RAB27A: variants seen among roughly 807,000 people sequenced by gnomAD.
RAB27A encodes the protein RAB27A, member RAS oncogene family, also known as ras-related protein Rab-27A.
In RAB27A, 17 loss-of-function variants were observed where a neutral mutation model predicts 20.8. The observed-to-expected ratio is 0.82, with a 90% CI of 0.56 to 1.23. The LOEUF is 1.23. RAB27A is among the 50% of genes most tolerant of loss of function. RAB27A has a pLI of 0.00. For synonymous variants in RAB27A, 85 were observed against 92.8 expected (o/e 0.92, Z 0.48); for missense variants, 277 against 266.7 (o/e 1.04, Z -0.27).
intron 6 of RAB27A, among the ~76,000 whole-genome samples, chr15:55,222,018 G>A (rs1348542046): frequency 1.3e-5 from 2 of 152,136 alleles, no homozygotes; most frequent in Non-Finnish European, 2.9e-5. Flanking sequence ...CAGACACAAA[G>A]ACAACACCTT....
chr15:55,281,603 T>C (rs572252303), intron 1 of RAB27A, among the ~76,000 whole-genome samples: 6 of 152,032 alleles, frequency 3.9e-5, no homozygotes, highest in African/African-American at 1.4e-4. Context: ...TCCTAGTTAC[T>C]TAGGAGGCTG....
At chr15:55,254,763 A>G (rs1198975389) in intron 2 of RAB27A, among the ~76,000 whole-genome samples, 1 of 152,268 alleles carries the variant, frequency 6.6e-6, no homozygotes, top group African/African-American at 2.4e-5. Context: ...AAGGGGTTTT[A>G]CATTTCTTTC....
intron 6 of RAB27A, among the ~76,000 whole-genome samples, chr15:55,209,189 G>A (rs1334081471): frequency 6.6e-6 from 1 of 152,078 alleles, no homozygotes; most frequent in African/African-American, 2.4e-5. Flanking sequence ...ACAATAGATT[G>A]TTGTAAACTA....
At chr15:55,207,706 G>T (rs2140898893) in intron 6 of RAB27A, among the ~76,000 whole-genome samples, 1 of 152,192 alleles carries the variant, frequency 6.6e-6, no homozygotes, top group Non-Finnish European at 1.5e-5. Flanking sequence ...TTTTAGAGAT[G>T]GAGTCTCACT....
intron 2 of RAB27A, among the ~76,000 whole-genome samples, chr15:55,243,677 T>G (rs1896580253): frequency 6.6e-6 from 1 of 152,054 alleles, no homozygotes; most frequent in East Asian, 1.9e-4. Context: ...GTAAGGACAC[T>G]TCTGGCCCTC....
intron 1 of RAB27A, among the ~76,000 whole-genome samples, chr15:55,276,683 G>T (rs560634709): frequency 6.6e-6 from 1 of 152,200 alleles, no homozygotes; most frequent in African/African-American, 2.4e-5. Context: ...CATAGTTAAA[G>T]AGAACAAGTT....
chr15:55,219,156 A>G (rs1282674127), intron 6 of RAB27A, among the ~76,000 whole-genome samples: 1 of 152,156 alleles, frequency 6.6e-6, no homozygotes, highest in Non-Finnish European at 1.5e-5. Flanking sequence ...TTTCAACGCA[A>G]CCATATTTAG....
chr15:55,302,101 C>T (rs1279855550), intron 2 of RAB27A, among the ~76,000 whole-genome samples: 4 of 150,454 alleles, frequency 2.7e-5, no homozygotes, highest in East Asian at 4.0e-4. Flanking sequence ...CGCTTGAACC[C>T]GGGAGGCAAA....
At chr15:55,241,201 T>A (rs1896465262) in intron 2 of RAB27A, among the ~76,000 whole-genome samples, 1 of 152,194 alleles carries the variant, frequency 6.6e-6, no homozygotes, top group Non-Finnish European at 1.5e-5. Context: ...TAAGAGTATT[T>A]GAAGCCAAGG....
chr15:55,233,680 G>T (rs186055600), intron 3 of RAB27A, among the ~76,000 whole-genome samples: 9 of 152,220 alleles, frequency 5.9e-5, no homozygotes, highest in African/African-American at 1.7e-4. Context: ...CTGCTAATAG[G>T]TATGAGGTTT....
rs1897379796 is a variant in RAB27A, at chr15:55,264,232, G to C, written c.-23+5933C>G. ...CATCCGGTTAATTTTTCTATTTTTA[G>C]TATAGACAGGGTTTCGCCATGTTGC... On this transcript the variant is annotated intron_variant, in intron 2 of 6. Transcript: ENST00000336787. 2.0e-5 allele frequency among the ~76,000 whole-genome samples: 3 copies of C among 152,200 alleles called. No homozygotes were observed. The South Asian group carries it at 6.2e-4, about 32-fold the overall frequency.
chr15:55,318,322 C>G (rs1179988835), intron 1 of RAB27A, among the ~76,000 whole-genome samples: 1 of 151,416 alleles, frequency 6.6e-6, no homozygotes, highest in South Asian at 2.1e-4. Context: ...TGGTCTCGAT[C>G]CTCTGACCTC....
intron 6 of RAB27A, among the ~76,000 whole-genome samples, chr15:55,211,548 T>C (rs537159070): frequency 6.6e-6 from 1 of 152,230 alleles, no homozygotes; most frequent in Non-Finnish European, 1.5e-5. Context: ...GATTTCTTTT[T>C]CAGATTGTTC....
chr15:55,269,038 T>C (rs1250839510), intron 2 of RAB27A, among the ~76,000 whole-genome samples: 2 of 152,290 alleles, frequency 1.3e-5, no homozygotes, highest in East Asian at 3.9e-4. Context: ...CATCCACAGC[T>C]AAGCAGAAAG....
At chr15:55,303,568 TCGGCCCCCCGCCCGGC>T in intron 2 of RAB27A, among the ~76,000 whole-genome samples, 1 of 39,122 alleles carries the variant, frequency 2.6e-5, no homozygotes. Context: ...GGTGGGGGGG[TCGGCCCCCCGCCCGGC>T]CAGCCGCCCC....
chr15:55,224,834 AT>A (rs1417686753), intron 5 of RAB27A, among the ~76,000 whole-genome samples: 107 of 152,308 alleles, frequency 7.0e-4, no homozygotes, highest in Non-Finnish European at 7.4e-5. Context: ...GGCCTAATTT[AT>A]TTTTTCATCA....
chr15:55,278,626 G>C (rs1897936839), intron 1 of RAB27A, among the ~76,000 whole-genome samples: 1 of 151,988 alleles, frequency 6.6e-6, no homozygotes, highest in Non-Finnish European at 1.5e-5. Flanking sequence ...GGGACTATAG[G>C]CGCCCGCCAC....
intron 1 of RAB27A, among the ~76,000 whole-genome samples, chr15:55,278,729 G>A (rs565057278): frequency 9.2e-5 from 14 of 152,178 alleles, no homozygotes; most frequent in Middle Eastern, 3.4e-3. Flanking sequence ...TGATCTGCCC[G>A]CCTCAGCCTC....
At chr15:55,253,828 C>A (rs1278334779) in intron 2 of RAB27A, among the ~76,000 whole-genome samples, 2 of 151,576 alleles carry the variant, frequency 1.3e-5, no homozygotes, top group Non-Finnish European at 2.9e-5. Context: ...GACTATGAAT[C>A]AGCAAGAGAA....
Sources: allele counts gnomAD v4.1 joint callset (sites outside exome capture counted in the v4.1 genomes callset), GRCh38; gene constraint gnomAD v4.1.1; transcripts MANE v1.5; gene names NCBI Gene and HGNC (gene_info 2026-07-23, HGNC 2026-07-21).